CDH13: variants seen among roughly 807,000 people sequenced by gnomAD.
The protein encoded by CDH13 is cadherin-13.
CDH13 carries 24 observed loss-of-function variants against 63.8 expected under a neutral mutation model. That is an observed-to-expected ratio of 0.38 (90% CI 0.27 to 0.53). CDH13 has a LOEUF of 0.53. CDH13 is among the 20% of genes least tolerant of loss of function. The probability of loss-of-function intolerance (pLI) is 0.85; values close to 1 mark genes in which losing one functional copy is unlikely to be tolerated. For synonymous variants in CDH13, 503 were observed against 355.3 expected, an observed-to-expected ratio of 1.42 and a Z score of -4.67; for missense variants, 1,049 against 903.1, an observed-to-expected ratio of 1.16 and a Z score of -2.07.
intron 7 of CDH13, among the ~76,000 whole-genome samples, chr16:83,530,603 C>G (rs980581375): frequency 9.2e-5 from 14 of 152,218 alleles, no homozygotes; most frequent in Admixed American, 5.9e-4. Context: ...TCACATCAAC[C>G]ACGCACCAAC....
intron 4 of CDH13, among the ~76,000 whole-genome samples, chr16:83,205,649 G>A (rs1200976626): frequency 1.4e-5 from 2 of 147,190 alleles, no homozygotes; most frequent in African/African-American, 5.0e-5. Flanking sequence ...TCTGTTGCCA[G>A]GCTGGAGTGC....
intron 3 of CDH13, among the ~76,000 whole-genome samples, chr16:83,032,862 C>G (rs1916496247): frequency 1.3e-5 from 2 of 152,070 alleles, no homozygotes; most frequent in Non-Finnish European, 2.9e-5. Context: ...GAGCTGTTTT[C>G]AGAGGAAAGG....
intron 1 of CDH13, among the ~76,000 whole-genome samples, chr16:82,830,470 A>G (rs1166321400): frequency 2.6e-5 from 4 of 152,170 alleles, no homozygotes; most frequent in East Asian, 3.9e-4. Context: ...CACAATGACC[A>G]TTTCTTGAAC....
At chr16:83,532,605 G>A (rs1217952346) in intron 7 of CDH13, among the ~76,000 whole-genome samples, 5 of 152,252 alleles carry the variant, frequency 3.3e-5, no homozygotes, top group Non-Finnish European at 7.3e-5. Flanking sequence ...ATGGCTGCTT[G>A]TCTCCTCAAG....
intron 2 of CDH13, among the ~76,000 whole-genome samples, chr16:82,871,254 C>A (rs2040333345): frequency 6.6e-6 from 1 of 152,076 alleles, no homozygotes; most frequent in Non-Finnish European, 1.5e-5. Flanking sequence ...GAAAAGGGAA[C>A]CATGTGGTCA....
intron 3 of CDH13, among the ~76,000 whole-genome samples, chr16:83,088,024 A>G (rs1348551144): frequency 6.6e-6 from 1 of 152,214 alleles, no homozygotes; most frequent in Non-Finnish European, 1.5e-5. Context: ...TGGTACAAGT[A>G]TTAGGTTGGC....
intron 9 of CDH13, among the ~76,000 whole-genome samples, chr16:83,675,230 C>A (rs1196960784): frequency 1.3e-5 from 2 of 152,178 alleles, no homozygotes; most frequent in East Asian, 3.8e-4. Context: ...CCAATTACAG[C>A]ACTCCGAGGG....
intron 1 of CDH13, among the ~76,000 whole-genome samples, chr16:82,700,746 A>G (rs913123525): frequency 1.3e-5 from 2 of 152,036 alleles, no homozygotes; most frequent in Non-Finnish European, 2.9e-5. Flanking sequence ...CTCACAAAGG[A>G]TTTCAGTGAT....
intron 10 of CDH13, among the ~76,000 whole-genome samples, chr16:83,679,486 T>G (rs1335731655): frequency 6.6e-6 from 1 of 152,184 alleles, no homozygotes; most frequent in African/African-American, 2.4e-5. Context: ...AGCAAGCCGG[T>G]GGAGAAGAAG....
intron 2 of CDH13, among the ~76,000 whole-genome samples, chr16:82,892,969 G>C (rs1465609118): frequency 6.6e-6 from 1 of 152,150 alleles, no homozygotes; most frequent in Non-Finnish European, 1.5e-5. Flanking sequence ...AAAAAATTGT[G>C]ACCTGTGAAC....
intron 2 of CDH13, among the ~76,000 whole-genome samples, chr16:83,026,119 G>A (rs957738376): frequency 9.8e-5 from 15 of 152,322 alleles, no homozygotes; most frequent in Admixed American, 2.0e-4. Context: ...AGAAAGTATT[G>A]AGTGCCGGTG....
intron 2 of CDH13, among the ~76,000 whole-genome samples, chr16:82,905,331 C>T (rs2041606534): frequency 6.6e-6 from 1 of 151,964 alleles, no homozygotes; most frequent in South Asian, 2.1e-4. Context: ...ATGAGTAAAA[C>T]ATATATGAAC....
chr16:83,141,941 T>A (rs1290635775), intron 4 of CDH13, among the ~76,000 whole-genome samples: 1 of 152,102 alleles, frequency 6.6e-6, no homozygotes, highest in African/African-American at 2.4e-5. Flanking sequence ...CCTCCTCCAG[T>A]GTCAGAGCAC....
At chr16:83,259,692 A>C (rs1194542437) in intron 5 of CDH13, among the ~76,000 whole-genome samples, 1 of 152,112 alleles carries the variant, frequency 6.6e-6, no homozygotes, top group Non-Finnish European at 1.5e-5. Flanking sequence ...CATGTGCACA[A>C]TGTGCAGGTT....
At chr16:83,134,785 T>A (rs1597394014) in intron 4 of CDH13, among the ~76,000 whole-genome samples, 1 of 152,220 alleles carries the variant, frequency 6.6e-6, no homozygotes, top group Admixed American at 6.5e-5. Flanking sequence ...TTTTAATTAA[T>A]GACAAAACAT....
intron 4 of CDH13, among the ~76,000 whole-genome samples, chr16:83,147,699 C>T (rs556561401): frequency 6.6e-6 from 1 of 152,076 alleles, no homozygotes; most frequent in African/African-American, 2.4e-5. Flanking sequence ...CTTTCCACCC[C>T]ACTTGCGTTC....
chr16:83,562,577 G>A (rs957695450), intron 7 of CDH13, among the ~76,000 whole-genome samples: 3 of 152,206 alleles, frequency 2.0e-5, no homozygotes, highest in Non-Finnish European at 2.9e-5. Context: ...TAGTCCTACA[G>A]ATGTAAGATT....
intron 11 of CDH13, among the ~76,000 whole-genome samples, chr16:83,756,761 A>G (rs1913542050): frequency 6.6e-6 from 1 of 152,256 alleles, no homozygotes; most frequent in South Asian, 2.1e-4. Context: ...CTAAATCTGT[A>G]TGTACTGGAC....
At chr16:83,176,997 A>G (rs35377971) in intron 4 of CDH13, among the ~76,000 whole-genome samples, 13,261 of 152,206 alleles carry the variant, frequency 0.087, 669 homozygotes, top group African/African-American at 0.12. Context: ...AGGCACTGCC[A>G]TCCACTGGAG....
Sources: allele counts gnomAD v4.1 joint callset (sites outside exome capture counted in the v4.1 genomes callset), GRCh38; gene constraint gnomAD v4.1.1; transcripts MANE v1.5; gene names NCBI Gene and HGNC (gene_info 2026-07-23, HGNC 2026-07-21).